The following LRP6 variants were observed in gnomAD, a reference collection of about 807,000 sequenced individuals.
LRP6 encodes the protein LDL receptor related protein 6.
Under a neutral mutation model 184.1 loss-of-function variants are expected in LRP6, and 43 were observed. The ratio of observed to expected loss-of-function variants is 0.23; its 90% confidence interval spans 0.18 to 0.30. The LOEUF (loss-of-function observed/expected upper bound fraction) is 0.30, where lower values mean the gene tolerates loss of function less well. LRP6 is among the 10% of genes least tolerant of loss of function. The probability of loss-of-function intolerance (pLI) is 1.00; values close to 1 mark genes in which losing one functional copy is unlikely to be tolerated. For missense variants in LRP6, 1,571 were observed against 2,005.3 expected, an observed-to-expected ratio of 0.78 and a Z score of 4.14; for synonymous variants, 719 against 684.9, an observed-to-expected ratio of 1.05 and a Z score of -0.78.
chr12:12,130,110 G>A (rs1194408008), intron 19 of LRP6, among the ~76,000 whole-genome samples: 2 of 151,824 alleles, frequency 1.3e-5, no homozygotes, highest in East Asian at 1.9e-4. Context: ...ATGAAGACCT[G>A]TAATTCCAGC....
chr12:12,187,393 A>G, intron 3 of LRP6: 1 of 457,064 alleles, frequency 2.2e-6, no homozygotes, highest in South Asian at 2.2e-5. Context: ...GCAGAGAGAG[A>G]GCACTGCTTT....
intron 1 of LRP6, among the ~76,000 whole-genome samples, chr12:12,263,405 C>G (rs1865675689): frequency 1.3e-5 from 2 of 151,538 alleles, no homozygotes; most frequent in Admixed American, 6.6e-5. Context: ...GAAACCCCGT[C>G]TCTACTAAAA....
At chr12:12,238,344 G>GAC (rs1270782438) in intron 2 of LRP6, among the ~76,000 whole-genome samples, 1 of 151,546 alleles carries the variant, frequency 6.6e-6, no homozygotes, top group Non-Finnish European at 1.5e-5. Flanking sequence ...TTCCAAAGGA[G>GAC]ACTAAGGAGA....
chr12:12,145,068 AC>A (rs1174372560), intron 15 of LRP6, among the ~76,000 whole-genome samples: 4 of 152,136 alleles, frequency 2.6e-5, no homozygotes, highest in Non-Finnish European at 5.9e-5. Flanking sequence ...TAAAAAAAAA[AC>A]TGCAATTACT....
chr12:12,183,678 C>T (rs529004940), intron 5 of LRP6, among the ~76,000 whole-genome samples: 3 of 152,194 alleles, frequency 2.0e-5, no homozygotes, highest in South Asian at 2.1e-4. Context: ...ATTCCTTATG[C>T]GACTACTCAT....
At chr12:12,263,586 T>C (rs1865680919) in intron 1 of LRP6, among the ~76,000 whole-genome samples, 1 of 148,444 alleles carries the variant, frequency 6.7e-6, no homozygotes, top group Non-Finnish European at 1.5e-5. Flanking sequence ...TCTGCACCTG[T>C]AATCCCAGAA....
At chr12:12,202,364 G>A (rs1053233669) in intron 3 of LRP6, among the ~76,000 whole-genome samples, 3 of 152,310 alleles carry the variant, frequency 2.0e-5, no homozygotes, top group African/African-American at 7.2e-5. Flanking sequence ...GCAACATGGT[G>A]AGACGCCATC....
chr12:12,178,293 G>C (rs911527444), intron 7 of LRP6, among the ~76,000 whole-genome samples: 1 of 152,078 alleles, frequency 6.6e-6, no homozygotes, highest in African/African-American at 2.4e-5. Context: ...TACCTAAAGT[G>C]AGGAAAATAA....
At chr12:12,133,316 G>C (rs1426075846) in intron 17 of LRP6, among the ~76,000 whole-genome samples, 1 of 152,186 alleles carries the variant, frequency 6.6e-6, no homozygotes, top group African/African-American at 2.4e-5. Context: ...CTGGTGGGAA[G>C]TGTTTGGATC....
chr12:12,138,568 CAT>C (rs1949879983), intron 15 of LRP6, 34 bp from the exon 16 acceptor site: 1 of 1,554,390 alleles, frequency 6.4e-7, no homozygotes, highest in Non-Finnish European at 8.9e-7. Flanking sequence ...AGAAATGACT[CAT>C]GTGGGTCAAG....
chr12:12,244,375 T>C lies in LRP6; in HGVS notation c.336A>G (p.Thr112=). ...CDWLGEKLYW[T]DSETNRIEVS... Reference sequence around the variant, plus strand: ...CTTCAATCCGATTAGTTTCAGAATCTGTCCAGTACAATTTTTCTCCAAGCC... The same window carrying C: ...CTTCAATCCGATTAGTTTCAGAATCCGTCCAGTACAATTTTTCTCCAAGCC... The change falls in exon 2 of 23, where the codon ACA becomes ACG. Residue 112 remains threonine, a synonymous_variant. Coordinates refer to ENST00000261349, the MANE Select transcript of LRP6 (RefSeq NM_002336.3). 2 of 1,614,222 alleles carry C rather than the reference T, an allele frequency of 1.2e-6. No homozygotes were observed. The highest frequency in any genetic ancestry group is 1.3e-5 in the African/African-American group (1 of 75,052).
intron 15 of LRP6, among the ~76,000 whole-genome samples, chr12:12,139,522 G>A (rs185642175): frequency 1.3e-5 from 2 of 152,242 alleles, no homozygotes; most frequent in South Asian, 2.1e-4. Flanking sequence ...CTAGGAGTTC[G>A]ACATCAGCCT....
At chr12:12,200,191 A>G (rs1863878927) in intron 3 of LRP6, among the ~76,000 whole-genome samples, 1 of 152,134 alleles carries the variant, frequency 6.6e-6, no homozygotes, top group Admixed American at 6.5e-5. Flanking sequence ...TATCCCTGCC[A>G]CAACTTCATT....
At chr12:12,190,721 A>C (rs1264420794) in intron 3 of LRP6, among the ~76,000 whole-genome samples, 1 of 152,156 alleles carries the variant, frequency 6.6e-6, no homozygotes, top group Non-Finnish European at 1.5e-5. Context: ...GTGAGTAATA[A>C]ATCTTTCTTT....
chr12:12,172,622 T>C (rs191236984), intron 7 of LRP6, among the ~76,000 whole-genome samples: 12 of 152,244 alleles, frequency 7.9e-5, no homozygotes, highest in South Asian at 2.1e-4. Flanking sequence ...TTCCAGACAA[T>C]ATCCAAAACA....
intron 7 of LRP6, among the ~76,000 whole-genome samples, chr12:12,171,484 T>C (rs1863041528): frequency 1.3e-5 from 2 of 151,590 alleles, no homozygotes; most frequent in Non-Finnish European, 2.9e-5. Flanking sequence ...ACTGTGCCAC[T>C]GCACTCCAGC....
At position 12,239,437 on chromosome 12, in the gene LRP6, A is replaced by C. The variant is rs186762489; in HGVS notation, c.449+4825T>G. Among the ~76,000 whole-genome samples, 6 of 152,356 alleles carry C rather than the reference A, an allele frequency of 3.9e-5. No individual in the cohort carries two copies. The East Asian group carries it at 1.2e-3, about 29-fold the overall frequency. On this transcript the variant is annotated intron_variant, in intron 2 of 22. Coordinates refer to ENST00000261349, the MANE Select transcript of LRP6 (RefSeq NM_002336.3). ...AATGGAAACAGTACAAAACTCAATA[A>C]GCTTAAGTGAAAATTTCTAAAAGAA...
intron 3 of LRP6, among the ~76,000 whole-genome samples, chr12:12,201,669 T>C (rs914495394): frequency 3.3e-5 from 5 of 152,182 alleles, no homozygotes; most frequent in African/African-American, 1.2e-4. Flanking sequence ...ATCTAGTTTC[T>C]GTAGGTTTTA....
intron 7 of LRP6, among the ~76,000 whole-genome samples, chr12:12,166,139 C>A (rs1206041718): frequency 6.6e-6 from 1 of 152,064 alleles, no homozygotes; most frequent in East Asian, 1.9e-4. Flanking sequence ...ATATTGTTCA[C>A]ATGTACATGT....
Sources: allele counts gnomAD v4.1 joint callset (sites outside exome capture counted in the v4.1 genomes callset), GRCh38; gene constraint gnomAD v4.1.1; transcripts MANE v1.5; gene names NCBI Gene and HGNC (gene_info 2026-07-23, HGNC 2026-07-21).